Variants in FBXL20 observed in about 807,000 individuals in gnomAD.
FBXL20 encodes the protein F-box/LRR-repeat protein 20.
In FBXL20, 11 loss-of-function variants were observed where a neutral mutation model predicts 64.0. The ratio of observed to expected loss-of-function variants is 0.17; its 90% CI spans 0.11 to 0.28. FBXL20 has a LOEUF of 0.28. FBXL20 is among the 10% of genes least tolerant of loss of function. FBXL20 has a pLI of 1.00. For synonymous variants in FBXL20, 184 were observed against 189.0 expected, an observed-to-expected ratio of 0.97 and a Z score of 0.22; for missense variants, 303 against 526.2, an observed-to-expected ratio of 0.58 and a Z score of 4.15.
chr17:39,261,300 G>GTGTGTT lies in FBXL20; in HGVS notation c.*159_*160insAACACA, dbSNP rs1417567467. 1.5e-6 allele frequency: 1 copy of GTGTGTT among 647,336 alleles called. No homozygotes were observed. The highest frequency in any genetic ancestry group is 1.8e-5 in the African/African-American group (1 of 56,038). The allele number at this position is 647,336 out of a possible 1,614,324, so 40.1% of individuals were successfully genotyped here. On this transcript the variant is annotated 3_prime_UTR_variant, in exon 15 of 15. Coordinates refer to ENST00000264658, the MANE Select transcript of FBXL20 (RefSeq NM_032875.3). Reference sequence around the variant, plus strand: ...CTAGAGTGGATGGGGGTAAGGGTGTGTATGTGTATGTATGTGTGGCTCTGG... The same window carrying GTGTGTT: ...CTAGAGTGGATGGGGGTAAGGGTGTGTGTGTTTATGTGTATGTATGTGTGGCTCTGG...
intron 1 of FBXL20, among the ~76,000 whole-genome samples, chr17:39,399,605 A>G (rs980568512): frequency 2.6e-5 from 4 of 152,182 alleles, no homozygotes; most frequent in Non-Finnish European, 5.9e-5. Flanking sequence ...GAAACCGTCC[A>G]AGAAGGACTC....
In FBXL20 at chr17:39,257,111, G is replaced by A. The variant is rs1346100747; in HGVS notation, c.*4349C>T. ...GCAATTCTCTGCCTCAGCCTCCCGA[G>A]TAGCTGGGATTACAGGCACCTGCCA... On this transcript the variant is annotated 3_prime_UTR_variant, in exon 15 of 15. Coordinates refer to ENST00000264658, the MANE Select transcript of FBXL20 (RefSeq NM_032875.3). The A allele has an allele frequency of 3.3e-5, 5 of 152,150 alleles. No homozygotes were observed. Among genetic ancestry groups the A allele is most frequent in the Admixed American group, 6.6e-5 (1 of 15,262 alleles). The allele number at this position is 152,150 out of a possible 1,614,324, so 9.4% of individuals were successfully genotyped here. A position where few individuals can be genotyped will look rare whatever the true frequency, so the allele number is the denominator to read the frequency against.
Position 39,261,375 on chromosome 17 carries a change from G to C in FBXL20, c.*85C>G. 2 of 1,087,450 alleles carry C rather than the reference G, an allele frequency of 1.8e-6. No homozygotes were observed. The highest frequency in any genetic ancestry group is 1.4e-6 in the Non-Finnish European group (1 of 703,456). 67.4% of individuals were successfully genotyped at this position (1,087,450 alleles called of 1,614,324 possible). A position where few individuals can be genotyped will look rare whatever the true frequency, so the allele number is the denominator to read the frequency against. On this transcript the variant is annotated 3_prime_UTR_variant, in exon 15 of 15. Transcript: ENST00000264658. Reference sequence around the variant, plus strand: ...CTTTGTAACCCTTGCTCAGAACACTGGGGTTGCTTCCACTGGAGAGACTCC... The same window carrying C: ...CTTTGTAACCCTTGCTCAGAACACTCGGGTTGCTTCCACTGGAGAGACTCC...
Position 39,339,340 on chromosome 17 carries a change from T to A in FBXL20, c.104+3840A>T, listed in dbSNP as rs530048026. Among the ~76,000 whole-genome samples, 136 of 152,178 alleles carry A rather than the reference T, an allele frequency of 8.9e-4. 2 individuals are homozygous for A. Among genetic ancestry groups the A allele is most frequent in the Non-Finnish European group, 1.6e-3 (106 of 67,990 alleles). On this transcript the variant is annotated intron_variant, in intron 2 of 14. Transcript: ENST00000264658. ...AAAATTAGGCAGGTGTGGTGGCATG[T>A]ACCTGAGTCCCAGCTACTTAAGAGG...
rs200792283 is a variant in FBXL20, at chr17:39,391,274, TAAG to T, written c.42+10084_42+10086del. Among the ~76,000 whole-genome samples the T allele has an allele frequency of 9.0e-3, 1,336 of 149,270 alleles. 15 individuals carry two copies. The highest frequency in any genetic ancestry group is 0.031 in the African/African-American group (1,264 of 40,538). ...CTCAAAAAAAAAAAAAAAAAATTAT[TAAG>T]AAAAAAAAAGAAACAAGCAGGAATC... On this transcript the variant is annotated intron_variant, in intron 1 of 14. Coordinates refer to ENST00000264658, the MANE Select transcript of FBXL20 (RefSeq NM_032875.3).
chr17:39,322,163 C>CAAAAAA, intron 2 of FBXL20, among the ~76,000 whole-genome samples: 1 of 52,550 alleles, frequency 1.9e-5, no homozygotes, highest in Non-Finnish European at 4.3e-5. Context: ...CTATCTCTAC[C>CAAAAAA]AAAAAAAAAA....
At chr17:39,297,091 G>T (rs764990614) in intron 6 of FBXL20, 36 bp downstream of exon 6, 10 of 1,498,064 alleles carry the variant, frequency 6.7e-6, no homozygotes, top group South Asian at 5.9e-5. Flanking sequence ...GACATAAGGG[G>T]TTATGACTTA....
At chr17:39,398,762 C>T (rs1031442769) in intron 1 of FBXL20, among the ~76,000 whole-genome samples, 2 of 152,096 alleles carry the variant, frequency 1.3e-5, no homozygotes, top group Admixed American at 6.6e-5. Flanking sequence ...ACAACCTCCG[C>T]CTCCTGGGTT....
chr17:39,380,059 C>G (rs984088327), intron 1 of FBXL20, among the ~76,000 whole-genome samples: 1 of 152,092 alleles, frequency 6.6e-6, no homozygotes, highest in Non-Finnish European at 1.5e-5. Flanking sequence ...TTCTCCCTGT[C>G]TCTACTATAA....
intron 1 of FBXL20, among the ~76,000 whole-genome samples, chr17:39,386,024 C>CAA (rs35967171): frequency 0.039 from 1,522 of 39,270 alleles, 54 homozygotes; most frequent in African/African-American, 0.079. Context: ...GATTCCGTCT[C>CAA]AAAAAAAAAA....
chr17:39,311,681 C>G (rs2047236853), intron 2 of FBXL20, among the ~76,000 whole-genome samples: 1 of 152,080 alleles, frequency 6.6e-6, no homozygotes, highest in African/African-American at 2.4e-5. Flanking sequence ...TGATGAAATG[C>G]TGCTGCTTTT....
At chr17:39,330,416 C>G (rs1446066669) in intron 2 of FBXL20, among the ~76,000 whole-genome samples, 4 of 152,112 alleles carry the variant, frequency 2.6e-5, no homozygotes, top group Admixed American at 2.6e-4. Context: ...GAATTCAAGA[C>G]CAGCCTGGCC....
intron 1 of FBXL20, among the ~76,000 whole-genome samples, chr17:39,387,277 CTTT>C (rs34511500): frequency 4.8e-5 from 6 of 125,994 alleles, no homozygotes; most frequent in Admixed American, 1.6e-4. Flanking sequence ...ATTAACTGCA[CTTT>C]TTTTTTTTTT....
intron 10 of FBXL20, among the ~76,000 whole-genome samples, chr17:39,272,172 G>A (rs2046849757): frequency 6.6e-6 from 1 of 151,966 alleles, no homozygotes; most frequent in African/African-American, 2.4e-5. Context: ...GGATCACGAG[G>A]TCAGGAGATC....
At chr17:39,339,692 C>G (rs1027617488) in intron 2 of FBXL20, among the ~76,000 whole-genome samples, 2 of 151,848 alleles carry the variant, frequency 1.3e-5, no homozygotes, top group Non-Finnish European at 1.5e-5. Flanking sequence ...TGTCACCAGG[C>G]TGGAGTGCAG....
chr17:39,303,789 T>G (rs950021062), intron 2 of FBXL20, 150 bp from the exon 3 acceptor site: 3 of 561,656 alleles, frequency 5.3e-6, no homozygotes, highest in African/African-American at 3.8e-5. Flanking sequence ...TGGGGTCAGG[T>G]GATCCTCCCA....
rs1043988772 is a variant in FBXL20 at position 39,253,682 on chromosome 17, T to C, written c.*7778A>G. On this transcript the variant is annotated 3_prime_UTR_variant, in exon 15 of 15. Coordinates refer to ENST00000264658, the MANE Select transcript of FBXL20 (RefSeq NM_032875.3). ...TGAGAAGAAATCAAAAGCTCATCCCTTCCTGCACTATTAGAAATTAACAGT... is the reference window on the plus strand; with the variant it reads ...TGAGAAGAAATCAAAAGCTCATCCCCTCCTGCACTATTAGAAATTAACAGT... 4 of 152,388 alleles carry C rather than the reference T, an allele frequency of 2.6e-5. No individual in the cohort carries two copies. The East Asian group carries it at 7.6e-4, about 29-fold the overall frequency. 9.4% of individuals were successfully genotyped at this position (152,388 alleles called of 1,614,324 possible).
chr17:39,271,129 C>T (rs4795355), intron 10 of FBXL20, among the ~76,000 whole-genome samples: 92,465 of 152,014 alleles, frequency 0.61, 31,774 homozygotes, highest in South Asian at 0.89. Flanking sequence ...AATGCCAAAA[C>T]GCATGAAATG....
intron 1 of FBXL20, among the ~76,000 whole-genome samples, chr17:39,383,314 G>A (rs2048044862): frequency 6.6e-6 from 1 of 151,940 alleles, no homozygotes; most frequent in Admixed American, 6.6e-5. Flanking sequence ...CACATACACA[G>A]ACGCACATGG....
Sources: allele counts gnomAD v4.1 joint callset (sites outside exome capture counted in the v4.1 genomes callset), GRCh38; gene constraint gnomAD v4.1.1; transcripts MANE v1.5; gene names NCBI Gene and HGNC (gene_info 2026-07-23, HGNC 2026-07-21).